Variants in GRM8 observed in about 807,000 individuals in gnomAD.
GRM8 encodes the protein glutamate metabotropic receptor 8.
Under a neutral mutation model 87.2 loss-of-function variants are expected in GRM8, and 47 were observed. The observed-to-expected ratio is 0.54, with a 90% confidence interval of 0.43 to 0.69. The LOEUF (loss-of-function observed/expected upper bound fraction) is 0.69, where lower values mean the gene tolerates loss of function less well. Ranked by LOEUF, GRM8 falls within the 30% of genes least tolerant of loss-of-function variation. The probability of loss-of-function intolerance (pLI) is 0.00; values close to 1 mark genes in which losing one functional copy is unlikely to be tolerated. For synonymous variants in GRM8, 396 were observed against 404.5 expected, an observed-to-expected ratio of 0.98 and a Z score of 0.25; for missense variants, 1,019 against 1,139.2, an observed-to-expected ratio of 0.89 and a Z score of 1.52.
intron 3 of GRM8, among the ~76,000 whole-genome samples, chr7:127,006,124 C>T (rs759678640): frequency 6.6e-6 from 1 of 151,846 alleles, no homozygotes; most frequent in Admixed American, 6.6e-5. Flanking sequence ...TCCTGATTTT[C>T]CCATCACCAA....
chr7:127,124,693 T>C (rs1827265887), intron 2 of GRM8, among the ~76,000 whole-genome samples: 1 of 152,176 alleles, frequency 6.6e-6, no homozygotes, highest in African/African-American at 2.4e-5. Context: ...TTAGAAATTT[T>C]AAATTTACCT....
At chr7:127,194,627 A>G (rs1204851329) in intron 2 of GRM8, among the ~76,000 whole-genome samples, 2 of 152,210 alleles carry the variant, frequency 1.3e-5, no homozygotes, top group African/African-American at 4.8e-5. Context: ...CCATTCCAAC[A>G]AAACCCTTAA....
At chr7:127,103,329 T>TG (rs1563511013) in intron 3 of GRM8, among the ~76,000 whole-genome samples, 1 of 152,210 alleles carries the variant, frequency 6.6e-6, no homozygotes, top group Admixed American at 6.5e-5. Context: ...GTTTGGGTCA[T>TG]GGGGGCAGAT....
chr7:127,054,522 C>T (rs1274384611), intron 3 of GRM8, among the ~76,000 whole-genome samples: 1 of 152,120 alleles, frequency 6.6e-6, no homozygotes, highest in Non-Finnish European at 1.5e-5. Context: ...TACAGCAAAA[C>T]ATCTGACAGA....
intron 2 of GRM8, among the ~76,000 whole-genome samples, chr7:127,126,186 C>T (rs1827361934): frequency 6.6e-6 from 1 of 152,006 alleles, no homozygotes; most frequent in South Asian, 2.1e-4. Context: ...ATATGTTTAT[C>T]ATAGCACTAT....
At chr7:126,720,574 G>A (rs1563122767) in intron 7 of GRM8, among the ~76,000 whole-genome samples, 1 of 152,112 alleles carries the variant, frequency 6.6e-6, no homozygotes, top group Non-Finnish European at 1.5e-5. Flanking sequence ...ATATTCATTT[G>A]AAAAGGATGA....
At chr7:126,800,511 G>C (rs1302994609) in intron 6 of GRM8, among the ~76,000 whole-genome samples, 1 of 152,144 alleles carries the variant, frequency 6.6e-6, no homozygotes, top group Non-Finnish European at 1.5e-5. Flanking sequence ...GTGAGTTAGA[G>C]GTTGGTCTCT....
At chr7:126,890,565 C>G (rs1800899322) in intron 6 of GRM8, among the ~76,000 whole-genome samples, 1 of 152,090 alleles carries the variant, frequency 6.6e-6, no homozygotes, top group African/African-American at 2.4e-5. Flanking sequence ...AACTTCCCAG[C>G]CTCATATCTC....
chr7:126,711,225 CA>C (rs1249071135), intron 7 of GRM8, among the ~76,000 whole-genome samples: 2 of 152,062 alleles, frequency 1.3e-5, no homozygotes, highest in Non-Finnish European at 2.9e-5. Flanking sequence ...ACTTGAAAGT[CA>C]AAATACTGCT....
chr7:127,231,852 T>C (rs1052455828), intron 2 of GRM8, among the ~76,000 whole-genome samples: 3 of 127,736 alleles, frequency 2.3e-5, no homozygotes, highest in Non-Finnish European at 4.9e-5. Context: ...TAAGCCAGAA[T>C]TGGTGATTTT....
At chr7:127,077,955 C>T (rs938056112) in intron 3 of GRM8, among the ~76,000 whole-genome samples, 2 of 152,136 alleles carry the variant, frequency 1.3e-5, no homozygotes, top group Admixed American at 1.3e-4. Flanking sequence ...TGTAGTAGGT[C>T]GAGGCCAGGG....
At chr7:127,124,799 T>C (rs1827273063) in intron 2 of GRM8, among the ~76,000 whole-genome samples, 1 of 152,034 alleles carries the variant, frequency 6.6e-6, no homozygotes, top group South Asian at 2.1e-4. Flanking sequence ...TTTAACAAAA[T>C]ATTGGGAAAT....
chr7:126,487,534 G>C (rs574973561), intron 9 of GRM8, among the ~76,000 whole-genome samples: 3 of 152,024 alleles, frequency 2.0e-5, no homozygotes, highest in African/African-American at 7.2e-5. Flanking sequence ...TGGCAGTGTA[G>C]AAGCCAAAAC....
chr7:126,607,200 T>A (rs10230311), intron 8 of GRM8, among the ~76,000 whole-genome samples: 7,520 of 152,282 alleles, frequency 0.049, 528 homozygotes, highest in African/African-American at 0.15. Context: ...TCAATATGGA[T>A]TGCAGAACAA....
At chr7:126,770,235 G>A (rs1271622330) in intron 6 of GRM8, among the ~76,000 whole-genome samples, 170 bp from the exon 7 acceptor site, 2 of 152,070 alleles carry the variant, frequency 1.3e-5, no homozygotes, top group African/African-American at 4.8e-5. Flanking sequence ...TGGATATTAA[G>A]TTTATTTGGA....
intron 6 of GRM8, among the ~76,000 whole-genome samples, chr7:126,851,587 T>G (rs1167703867): frequency 6.6e-6 from 1 of 152,160 alleles, no homozygotes; most frequent in South Asian, 2.1e-4. Flanking sequence ...TTTGAACACC[T>G]AGAAAATCAT....
intron 6 of GRM8, among the ~76,000 whole-genome samples, chr7:126,899,027 AAAAG>A (rs1392409377): frequency 6.6e-6 from 1 of 151,778 alleles, no homozygotes; most frequent in Non-Finnish European, 1.5e-5. Flanking sequence ...TAAAAAAAAA[AAAAG>A]AAAGAAAATA....
intron 8 of GRM8, among the ~76,000 whole-genome samples, chr7:126,601,518 C>T (rs1168350906): frequency 2.0e-5 from 3 of 151,872 alleles, no homozygotes; most frequent in East Asian, 1.9e-4. Context: ...CTGACTTCCA[C>T]AATGGTTGAA....
At position 126,707,596 on chromosome 7, in the gene GRM8, A is replaced by G. The variant is rs143447321; in HGVS notation, c.1357+62269T>C. Among the ~76,000 whole-genome samples, 428 of 152,294 alleles carry G rather than the reference A, an allele frequency of 2.8e-3. 7 individuals carry two copies. Among genetic ancestry groups the G allele is most frequent in the African/African-American group, 9.8e-3 (407 of 41,558 alleles). Reference sequence around the variant, plus strand: ...AGGTACAGCCCCCTGATGGAACTAAATAGAGAACCCAGAAATAAACCCATT... The same window carrying G: ...AGGTACAGCCCCCTGATGGAACTAAGTAGAGAACCCAGAAATAAACCCATT... On this transcript the variant is annotated intron_variant, in intron 7 of 10. Transcript: ENST00000339582.
Sources: allele counts gnomAD v4.1 joint callset (sites outside exome capture counted in the v4.1 genomes callset), GRCh38; gene constraint gnomAD v4.1.1; transcripts MANE v1.5; gene names NCBI Gene and HGNC (gene_info 2026-07-23, HGNC 2026-07-21).